Variants in ARHGAP42 observed in about 807,000 individuals in gnomAD.
ARHGAP42 encodes Rho GTPase activating protein 42.
Under a neutral mutation model 125.0 loss-of-function variants are expected in ARHGAP42, and 63 were observed. The observed-to-expected ratio is 0.50, with a 90% CI of 0.41 to 0.62. The LOEUF is 0.62. ARHGAP42 is among the 20% of genes least tolerant of loss of function. The pLI, the probability that ARHGAP42 is intolerant of heterozygous loss-of-function variation, is 0.00. For missense variants in ARHGAP42, 766 were observed against 1,024.2 expected, an observed-to-expected ratio of 0.75 and a Z score of 3.44; for synonymous variants, 339 against 351.0, an observed-to-expected ratio of 0.97 and a Z score of 0.38.
At chr11:100,704,784 C>T (rs1234331731) in intron 1 of ARHGAP42, among the ~76,000 whole-genome samples, 1 of 150,058 alleles carries the variant, frequency 6.7e-6, no homozygotes, top group African/African-American at 2.5e-5. Context: ...AGCAAGAATC[C>T]CCGCCCCCGC....
chr11:100,936,509 A>T (rs926434308), intron 8 of ARHGAP42, among the ~76,000 whole-genome samples, 177 bp downstream of exon 8: 1 of 152,176 alleles, frequency 6.6e-6, no homozygotes, highest in Non-Finnish European at 1.5e-5. Flanking sequence ...CCATCAGGAT[A>T]TCTAAGTTGG....
At chr11:100,881,917 G>A (rs1177398827) in intron 4 of ARHGAP42, among the ~76,000 whole-genome samples, 1 of 152,050 alleles carries the variant, frequency 6.6e-6, no homozygotes, top group Admixed American at 6.6e-5. Context: ...CAGCTTGGTC[G>A]CTGTTGGTAT....
intron 4 of ARHGAP42, among the ~76,000 whole-genome samples, chr11:100,901,184 C>T (rs1022192684): frequency 1.1e-4 from 17 of 152,192 alleles, no homozygotes; most frequent in Admixed American, 6.5e-5. Flanking sequence ...GCTGGAGGTC[C>T]ACTCCAGACC....
intron 4 of ARHGAP42, among the ~76,000 whole-genome samples, chr11:100,911,629 A>G (rs1344295035): frequency 6.6e-6 from 1 of 152,128 alleles, no homozygotes; most frequent in Non-Finnish European, 1.5e-5. Flanking sequence ...TAAGTTGTGG[A>G]CATAAAGTGC....
At chr11:100,959,362 ATAGAACATGGAGCG>A (rs1857895543) in intron 12 of ARHGAP42, among the ~76,000 whole-genome samples, 1 of 152,062 alleles carries the variant, frequency 6.6e-6, no homozygotes, top group Non-Finnish European at 1.5e-5. Context: ...AAAATGAAAA[ATAGAACATGGAGCG>A]TAGAATCAGA....
At chr11:100,702,668 G>C in intron 1 of ARHGAP42, among the ~76,000 whole-genome samples, 1 of 132,744 alleles carries the variant, frequency 7.5e-6, no homozygotes. Context: ...GGATATTTGT[G>C]TTCTTTTTTT....
At chr11:100,820,409 GA>G (rs1180551159) in intron 3 of ARHGAP42, among the ~76,000 whole-genome samples, 3 of 152,100 alleles carry the variant, frequency 2.0e-5, no homozygotes, top group Non-Finnish European at 4.4e-5. Context: ...AGGGACTCCT[GA>G]ATGTTCTTTG....
intron 4 of ARHGAP42, among the ~76,000 whole-genome samples, chr11:100,900,704 T>C (rs1281321161): frequency 6.6e-6 from 1 of 152,212 alleles, no homozygotes; most frequent in Non-Finnish European, 1.5e-5. Flanking sequence ...TCGAATCGGC[T>C]GTTGAAACTT....
At chr11:100,801,389 T>C (rs771606525) in intron 3 of ARHGAP42, among the ~76,000 whole-genome samples, 11 of 152,204 alleles carry the variant, frequency 7.2e-5, no homozygotes, top group Non-Finnish European at 1.6e-4. Context: ...GTCTTCAGTA[T>C]GTTGAAACAG....
At chr11:100,794,075 C>CAAAAAAA (rs869272420) in intron 2 of ARHGAP42, among the ~76,000 whole-genome samples, 19 of 44,842 alleles carry the variant, frequency 4.2e-4, no homozygotes, top group African/African-American at 4.9e-4. Context: ...GACCCTGTCT[C>CAAAAAAA]AAAAAAAAAA....
intron 4 of ARHGAP42, among the ~76,000 whole-genome samples, chr11:100,905,349 A>T (rs941988620): frequency 6.6e-6 from 1 of 152,230 alleles, no homozygotes; most frequent in Admixed American, 6.5e-5. Flanking sequence ...ATATGCCTTC[A>T]CATATGATTA....
In ARHGAP42 at chr11:100,770,336, C is replaced by A; in HGVS notation, c.155-7C>A. ...TTATGGATTTTTTGCTTAACTTTTACTTGCAGATCTGTCTATGGCAGTGCA... is the reference window on the plus strand; with the variant it reads ...TTATGGATTTTTTGCTTAACTTTTAATTGCAGATCTGTCTATGGCAGTGCA... On this transcript the variant is annotated splice_region_variant and splice_polypyrimidine_tract_variant and intron_variant, in intron 1 of 23. Transcript: ENST00000298815. 1 of 1,533,136 alleles carries A rather than the reference C, an allele frequency of 6.5e-7. No individual in the cohort carries two copies. Among genetic ancestry groups the A allele is most frequent in the South Asian group, 1.3e-5 (1 of 79,668 alleles). The allele number at this position is 1,533,136 out of a possible 1,614,324, so 95.0% of individuals were successfully genotyped here. A position where few individuals can be genotyped will look rare whatever the true frequency, so the allele number is the denominator to read the frequency against.
chr11:100,913,631 A>C, intron 5 of ARHGAP42, 78 bp downstream of exon 5: 104 of 601,612 alleles, frequency 1.7e-4, no homozygotes, highest in Non-Finnish European at 2.5e-4. Flanking sequence ...AAACTATCTC[A>C]AAATCTGCTA....
chr11:100,779,463 A>T (rs370137738), intron 2 of ARHGAP42, among the ~76,000 whole-genome samples: 26,222 of 76,992 alleles, frequency 0.34, 4,663 homozygotes, highest in South Asian at 0.48. Flanking sequence ...AAAAAAAAAA[A>T]AAAAATATAT....
chr11:100,917,177 G>A (rs1867093213), intron 5 of ARHGAP42, among the ~76,000 whole-genome samples: 1 of 152,012 alleles, frequency 6.6e-6, no homozygotes, highest in African/African-American at 2.4e-5. Flanking sequence ...TAAGAAAAAA[G>A]TAAAGGGGAA....
At chr11:100,824,632 G>A (rs962136551) in intron 3 of ARHGAP42, among the ~76,000 whole-genome samples, 1 of 152,194 alleles carries the variant, frequency 6.6e-6, no homozygotes, top group Non-Finnish European at 1.5e-5. Context: ...AGTGAAAAAT[G>A]TAGGGCTCTA....
In ARHGAP42 at chr11:100,992,243, G is replaced by C; in HGVS notation, c.*3442G>C. On this transcript the variant is annotated 3_prime_UTR_variant, in exon 24 of 24. Coordinates refer to ENST00000298815, the MANE Select transcript of ARHGAP42 (RefSeq NM_152432.4). ...TATACTTTGACTAAAGTCAGAGGCA[G>C]ACCAATTTAGGGAACAGATTTTGTT... The C allele has an allele frequency of 6.6e-7, 1 of 1,518,686 alleles. No individual in the cohort carries two copies. Among genetic ancestry groups the C allele is most frequent in the Non-Finnish European group, 8.8e-7 (1 of 1,135,476 alleles). 94.1% of individuals were successfully genotyped at this position (1,518,686 alleles called of 1,614,324 possible). A position where few individuals can be genotyped will look rare whatever the true frequency, so the allele number is the denominator to read the frequency against.
chr11:100,721,479 C>T (rs1591127353), intron 1 of ARHGAP42, among the ~76,000 whole-genome samples: 1 of 147,734 alleles, frequency 6.8e-6, no homozygotes. Context: ...CTTTTCTTTT[C>T]TTTTTTTTTT....
At chr11:100,958,854 T>G (rs1857879689) in intron 12 of ARHGAP42, among the ~76,000 whole-genome samples, 1 of 152,072 alleles carries the variant, frequency 6.6e-6, no homozygotes, top group Non-Finnish European at 1.5e-5. Flanking sequence ...TCAATTCAGT[T>G]CCATTGGCTT....
Sources: allele counts gnomAD v4.1 joint callset (sites outside exome capture counted in the v4.1 genomes callset), GRCh38; gene constraint gnomAD v4.1.1; transcripts MANE v1.5; gene names NCBI Gene and HGNC (gene_info 2026-07-23, HGNC 2026-07-21).